SLC47A1: variants seen among roughly 807,000 people sequenced by gnomAD.
SLC47A1 encodes the protein solute carrier family 47 member 1.
Under a neutral mutation model 65.8 loss-of-function variants are expected in SLC47A1, and 58 were observed. The observed-to-expected ratio is 0.88, with a 90% confidence interval of 0.71 to 1.10. The LOEUF is 1.10. Ranked by LOEUF, SLC47A1 falls within the 50% of genes least tolerant of loss-of-function variation. The pLI is 0.00. For missense variants in SLC47A1, 706 were observed against 719.2 expected (o/e 0.98, Z 0.21); for synonymous variants, 285 against 295.0 (o/e 0.97, Z 0.35).
intron 12 of SLC47A1, 129 bp downstream of exon 12, chr17:19,560,622 A>C: frequency 2.1e-6 from 2 of 936,080 alleles, no homozygotes; most frequent in Non-Finnish European, 3.4e-6. Context: ...AAAAGAAAAC[A>C]TCTCACTCAC....
chr17:19,577,748 CACTGT>C lies in SLC47A1; in HGVS notation c.*196_*200del, dbSNP rs2084452206. ...TTAAAAGCTATATTGTGGCCCAAGACACTGTCTGAAAGATGACATGAGTAGTAATT... is the reference window on the plus strand; with the variant it reads ...TTAAAAGCTATATTGTGGCCCAAGACCTGAAAGATGACATGAGTAGTAATT... On this transcript the variant is annotated 3_prime_UTR_variant, in exon 17 of 17. Transcript: ENST00000270570. The C allele has an allele frequency of 7.1e-7, 1 of 1,405,948 alleles. No individual in the cohort carries two copies. Among genetic ancestry groups the C allele is most frequent in the Admixed American group, 2.9e-5 (1 of 34,056 alleles). The allele number at this position is 1,405,948 out of a possible 1,614,324, so 87.1% of individuals were successfully genotyped here. A position where few individuals can be genotyped will look rare whatever the true frequency, so the allele number is the denominator to read the frequency against.
chr17:19,573,874 T>G (rs1480946540), intron 16 of SLC47A1, among the ~76,000 whole-genome samples: 1 of 151,210 alleles, frequency 6.6e-6, no homozygotes, highest in African/African-American at 2.4e-5. Flanking sequence ...AAACTGAAGG[T>G]GTGCTGCAGC....
In SLC47A1 at chr17:19,571,654, G is replaced by A. The variant is rs548585502; in HGVS notation, c.1404+82G>A. 2.6e-5 allele frequency: 28 copies of A among 1,071,088 alleles called. No homozygotes were observed. The Admixed American group carries it at 4.3e-4, about 16-fold the overall frequency. The allele number at this position is 1,071,088 out of a possible 1,614,324, so 66.3% of individuals were successfully genotyped here. ...ATCTGGCTCTCCCTTTTTTCTTTTG[G>A]AAAGTTCTTTTCTCATTTTCTTTAT... On this transcript the variant is annotated intron_variant, in intron 15 of 16. Coordinates refer to ENST00000270570, the MANE Select transcript of SLC47A1 (RefSeq NM_018242.3).
intron 9 of SLC47A1, 40 bp from the exon 10 acceptor site, chr17:19,555,955 C>T (rs763271192): frequency 1.2e-6 from 2 of 1,614,078 alleles, no homozygotes; most frequent in South Asian, 1.1e-5. Context: ...ACCTGGGGGC[C>T]CTGTCTGGGT....
intron 16 of SLC47A1, among the ~76,000 whole-genome samples, chr17:19,575,597 G>T (rs1441748247): frequency 6.6e-6 from 1 of 152,030 alleles, no homozygotes; most frequent in Non-Finnish European, 1.5e-5. Context: ...ACCAGGTCTT[G>T]CTTTGCAGCC....
Position 19,577,583 on chromosome 17 carries a change from A to T in SLC47A1, c.*30A>T. On this transcript the variant is annotated 3_prime_UTR_variant, in exon 17 of 17. Transcript: ENST00000270570. ...GTAGGAAAGAAAGTCAGGTCAAGTGATGCTTTTGAGCTTACACACAATTCA... is the reference window on the plus strand; with the variant it reads ...GTAGGAAAGAAAGTCAGGTCAAGTGTTGCTTTTGAGCTTACACACAATTCA... 6.2e-7 allele frequency: 1 copy of T among 1,612,960 alleles called. No homozygotes were observed. The highest frequency in any genetic ancestry group is 1.3e-5 in the African/African-American group (1 of 74,998).
intron 14 of SLC47A1, chr17:19,567,801 C>G (rs1031208999): frequency 1.9e-5 from 3 of 155,298 alleles, no homozygotes; most frequent in African/African-American, 7.2e-5. Context: ...TCATCACCCT[C>G]ATCGCACTCC....
chr17:19,549,887 C>T (rs759271791), intron 5 of SLC47A1, among the ~76,000 whole-genome samples: 5 of 152,170 alleles, frequency 3.3e-5, no homozygotes, highest in Non-Finnish European at 5.9e-5. Context: ...TACTCCAGGA[C>T]GTCTGGAGTA....
intron 12 of SLC47A1, among the ~76,000 whole-genome samples, chr17:19,566,183 A>G (rs1428685496): frequency 6.6e-6 from 1 of 152,162 alleles, no homozygotes; most frequent in Non-Finnish European, 1.5e-5. Flanking sequence ...TAACATTATC[A>G]TAATGTATTT....
At position 19,555,696 on chromosome 17, in the gene SLC47A1, G is replaced by T; in HGVS notation, c.739+6G>T. 6.2e-7 allele frequency: 1 copy of T among 1,614,034 alleles called. No individual in the cohort carries two copies. Among genetic ancestry groups the T allele is most frequent in the South Asian group, 1.1e-5 (1 of 91,062 alleles). ...GCATCAAGCTACATGGGGAGGTAAT[G>T]ACTGCCCTTTTGTCTTCCAACTGGG... On this transcript the variant is annotated splice_donor_region_variant and intron_variant, in intron 8 of 16. Coordinates refer to ENST00000270570, the MANE Select transcript of SLC47A1 (RefSeq NM_018242.3).
intron 5 of SLC47A1, 78 bp downstream of exon 5, chr17:19,549,755 G>A: frequency 6.9e-7 from 1 of 1,451,090 alleles, no homozygotes; most frequent in South Asian, 1.1e-5. Flanking sequence ...TGAGCTCAGT[G>A]TATTGGCTCA....
At chr17:19,569,000 C>T (rs2084380013) in intron 14 of SLC47A1, among the ~76,000 whole-genome samples, 1 of 151,954 alleles carries the variant, frequency 6.6e-6, no homozygotes, top group Non-Finnish European at 1.5e-5. Context: ...TCTGGGATTA[C>T]AGGCATGAGG....
intron 14 of SLC47A1, 110 bp from the exon 15 acceptor site, chr17:19,571,368 T>C (rs1164615877): frequency 3.4e-6 from 3 of 889,742 alleles, no homozygotes; most frequent in African/African-American, 3.4e-5. Flanking sequence ...ACCTCAGCCA[T>C]GAAAGCAGAT....
chr17:19,542,616 G>A lies in SLC47A1; in HGVS notation c.237+122G>A, dbSNP rs1916178840. The A allele has an allele frequency of 8.2e-6, 6 of 730,010 alleles. No homozygotes were observed. The South Asian group carries it at 1.2e-4, about 14-fold the overall frequency. 45.2% of individuals were successfully genotyped at this position (730,010 alleles called of 1,614,324 possible). A position where few individuals can be genotyped will look rare whatever the true frequency, so the allele number is the denominator to read the frequency against. On this transcript the variant is annotated intron_variant, in intron 2 of 16. Coordinates refer to ENST00000270570, the MANE Select transcript of SLC47A1 (RefSeq NM_018242.3). ...CACAGACTTATTCTCTTACAGTGCTGGAGTGCAGAAGTCTGAAGTGGGTTT... is the reference window on the plus strand; with the variant it reads ...CACAGACTTATTCTCTTACAGTGCTAGAGTGCAGAAGTCTGAAGTGGGTTT...
At chr17:19,549,870 T>C (rs1438840840) in intron 5 of SLC47A1, among the ~76,000 whole-genome samples, 193 bp downstream of exon 5, 1 of 152,140 alleles carries the variant, frequency 6.6e-6, no homozygotes, top group Non-Finnish European at 1.5e-5. Flanking sequence ...AACACCAAGA[T>C]TGAGGCTACT....
At position 19,549,684 on chromosome 17, in the gene SLC47A1, G is replaced by T; in HGVS notation, c.498+7G>T. On this transcript the variant is annotated splice_region_variant and intron_variant, in intron 5 of 16. Coordinates refer to ENST00000270570, the MANE Select transcript of SLC47A1 (RefSeq NM_018242.3). The stretch of plus-strand genomic sequence containing the variant: ...CTTCATTCCAGCTCTTCCTGTAAGT[G>T]CTCAAGGGCTAAGAGATTCCCTTCT... 8.7e-6 allele frequency: 14 copies of T among 1,614,120 alleles called. No homozygotes were observed. Among genetic ancestry groups the T allele is most frequent in the Non-Finnish European group, 1.2e-5 (14 of 1,179,998 alleles).
Position 19,560,198 on chromosome 17 carries a change from G to T in SLC47A1, c.932G>T (p.Gly311Val). 6.2e-7 allele frequency: 1 copy of T among 1,611,850 alleles called. No homozygotes were observed. The highest frequency in any genetic ancestry group is 8.5e-7 in the Non-Finnish European group (1 of 1,179,470). ...LAIIVYMVPA[G>V]FSVAASVRVG... The stretch of plus-strand genomic sequence containing the variant: ...TCCTTTTTATTTTAGGTCCCTGCAG[G>T]CTTCAGTGTGGCTGCCAGTGTCCGG... The change falls in exon 11 of 17, where the codon GGC becomes GTC. Residue 311 changes from glycine to valine, a missense_variant. Coordinates refer to ENST00000270570, the MANE Select transcript of SLC47A1 (RefSeq NM_018242.3).
intron 3 of SLC47A1, 71 bp downstream of exon 3, chr17:19,546,574 A>G (rs758500894): frequency 4.1e-4 from 606 of 1,471,250 alleles, no homozygotes; most frequent in Non-Finnish European, 5.1e-4. Flanking sequence ...GAAGAGCTCC[A>G]CTGGCAGGAA....
At chr17:19,573,872 G>A (rs2084418673) in intron 16 of SLC47A1, among the ~76,000 whole-genome samples, 1 of 151,542 alleles carries the variant, frequency 6.6e-6, no homozygotes, top group Admixed American at 6.6e-5. Flanking sequence ...CCAAACTGAA[G>A]GTGTGCTGCA....
Sources: allele counts gnomAD v4.1 joint callset (sites outside exome capture counted in the v4.1 genomes callset), GRCh38; gene constraint gnomAD v4.1.1; transcripts MANE v1.5; gene names NCBI Gene and HGNC (gene_info 2026-07-23, HGNC 2026-07-21).